The following ENPP2 variants were observed in gnomAD, a reference collection of about 807,000 sequenced individuals.
ENPP2 encodes the protein autotaxin.
Under a neutral mutation model 120.2 loss-of-function variants are expected in ENPP2, and 51 were observed. The ratio of observed to expected loss-of-function variants is 0.42; its 90% CI spans 0.34 to 0.54. The LOEUF (loss-of-function observed/expected upper bound fraction) is 0.54. ENPP2 is among the 20% of genes least tolerant of loss of function. ENPP2 has a pLI of 0.04. For missense variants in ENPP2, 920 were observed against 1,066.5 expected, an observed-to-expected ratio of 0.86 and a Z score of 1.91; for synonymous variants, 365 against 366.4, an observed-to-expected ratio of 1.00 and a Z score of 0.04.
intron 8 of ENPP2, among the ~76,000 whole-genome samples, chr8:119,613,623 G>A (rs547749482): frequency 8.0e-4 from 121 of 152,110 alleles, no homozygotes; most frequent in Middle Eastern, 3.4e-3. Context: ...ATTTTAAAAC[G>A]AAGCCTCTGA....
chr8:119,663,326 T>C (rs17804209), intron 1 of ENPP2, among the ~76,000 whole-genome samples: 1 of 152,142 alleles, frequency 6.6e-6, no homozygotes, highest in Non-Finnish European at 1.5e-5. Context: ...ACTTTTAAAA[T>C]ATCGAAAAAT....
intron 8 of ENPP2, among the ~76,000 whole-genome samples, chr8:119,609,881 A>G (rs1814974476): frequency 6.6e-6 from 1 of 152,210 alleles, no homozygotes; most frequent in South Asian, 2.1e-4. Context: ...CTTTTAATAC[A>G]AATTTCTCAA....
Position 119,601,407 on chromosome 8 carries a change from C to G in ENPP2, c.889G>C (p.Asp297His). 1 of 1,600,998 alleles carries G rather than the reference C, an allele frequency of 6.2e-7. No individual in the cohort carries two copies. Among genetic ancestry groups the G allele is most frequent in the Non-Finnish European group, 8.6e-7 (1 of 1,168,142 alleles). ...LTILQWLTLP[D>H]HERPSVYAFY... The stretch of plus-strand genomic sequence containing the variant: ...GAGAGAAATAAATACCTCTCATGAT[C>G]TGGCAGGGTGAGCCACTGCAATATG... The change falls in exon 10 of 25, where the codon GAT becomes CAT. Residue 297 changes from aspartate (D) to histidine (H), a missense_variant. By Grantham distance (81) the Asp-to-His change is moderately conservative. Coordinates refer to ENST00000075322, the MANE Select transcript of ENPP2 (RefSeq NM_001040092.3).
At chr8:119,655,286 A>G (rs1405716880) in intron 1 of ENPP2, among the ~76,000 whole-genome samples, 3 of 152,204 alleles carry the variant, frequency 2.0e-5, no homozygotes, top group Non-Finnish European at 2.9e-5. Context: ...ATCCTTTGTA[A>G]ACAGAGAGTC....
chr8:119,566,358 C>T (rs1443983733), intron 22 of ENPP2, among the ~76,000 whole-genome samples: 2 of 152,294 alleles, frequency 1.3e-5, no homozygotes, highest in African/African-American at 2.4e-5. Flanking sequence ...TGGCTGTTAA[C>T]CCCTCTTCCC....
At chr8:119,569,022 TC>T (rs1814729124) in intron 21 of ENPP2, among the ~76,000 whole-genome samples, 2 of 152,182 alleles carry the variant, frequency 1.3e-5, no homozygotes, top group South Asian at 2.1e-4. Flanking sequence ...CACAGAAGAT[TC>T]CCTTGCACAT....
At chr8:119,577,814 A>G (rs1180035840) in intron 19 of ENPP2, among the ~76,000 whole-genome samples, 5 of 152,198 alleles carry the variant, frequency 3.3e-5, no homozygotes, top group African/African-American at 2.4e-5. Flanking sequence ...TGCTTGCTGA[A>G]TGTATCCATG....
intron 9 of ENPP2, among the ~76,000 whole-genome samples, chr8:119,604,906 T>C (rs1447286062): frequency 6.6e-6 from 1 of 152,108 alleles, no homozygotes; most frequent in African/African-American, 2.4e-5. Context: ...CCTGAGTAGC[T>C]GGGATTACAG....
At chr8:119,639,704 T>A (rs983644199), upstream of ENPP2, among the ~76,000 whole-genome samples, 3 of 152,180 alleles carry the variant, frequency 2.0e-5, no homozygotes, top group African/African-American at 7.2e-5. Flanking sequence ...GAAATCTCAA[T>A]GGCAGCAAGA....
At chr8:119,619,377 G>T in intron 4 of ENPP2, 73 bp from the exon 5 acceptor site, 1 of 1,028,732 alleles carries the variant, frequency 9.7e-7, no homozygotes, top group Non-Finnish European at 1.5e-6. Context: ...CACAATTCCA[G>T]GATCTGTGTC....
In ENPP2 at chr8:119,632,421, C is replaced by T. The variant is rs185971316; in HGVS notation, c.137-5701G>A. 1.5e-3 allele frequency among the ~76,000 whole-genome samples: 228 copies of T among 152,222 alleles called. 3 individuals are homozygous for T. The highest frequency in any genetic ancestry group is 5.3e-3 in the African/African-American group (219 of 41,550). On this transcript the variant is annotated intron_variant, in intron 2 of 24. Transcript: ENST00000075322. ...CTTTATGAGATTCAAATTCTATTGC[C>T]GCCTTTTAAAATACATATTCAAATG...
chr8:119,668,473 A>T (rs1420777720), intron 1 of ENPP2, among the ~76,000 whole-genome samples: 1 of 125,440 alleles, frequency 8.0e-6, no homozygotes, highest in African/African-American at 3.1e-5. Context: ...TCTGTTGCCC[A>T]GGCTGGAGTG....
chr8:119,662,976 G>A (rs1817964716), intron 1 of ENPP2, among the ~76,000 whole-genome samples: 1 of 151,944 alleles, frequency 6.6e-6, no homozygotes, highest in Non-Finnish European at 1.5e-5. Flanking sequence ...AATTGGCCAG[G>A]TGTGATGGCA....
At position 119,662,340 on chromosome 8, in the gene ENPP2, A is replaced by G. The variant is rs148800682; in HGVS notation, c.21+10912T>C. 4.9e-3 allele frequency among the ~76,000 whole-genome samples: 740 copies of G among 152,320 alleles called. 5 individuals carry two copies. Among genetic ancestry groups the G allele is most frequent in the African/African-American group, 0.017 (691 of 41,562 alleles). On this transcript the variant is annotated intron_variant, in intron 1 of 25. Transcript: ENST00000427067. ...TGTCAATTAAATAAATAAACAATAAAGTAAATTGCATAGATATATAAATAA... is the reference window on the plus strand; with the variant it reads ...TGTCAATTAAATAAATAAACAATAAGGTAAATTGCATAGATATATAAATAA...
At chr8:119,594,835 T>C (rs1251982094) in intron 11 of ENPP2, among the ~76,000 whole-genome samples, 1 of 152,258 alleles carries the variant, frequency 6.6e-6, no homozygotes, top group Non-Finnish European at 1.5e-5. Flanking sequence ...AGGATGTGAA[T>C]ATCATTTTTA....
intron 21 of ENPP2, 48 bp from the exon 22 acceptor site, chr8:119,568,300 A>T: frequency 1.1e-6 from 1 of 946,716 alleles, no homozygotes; most frequent in Non-Finnish European, 1.6e-6. Flanking sequence ...CAAAATCTAT[A>T]TCAGTTAAAA....
intron 24 of ENPP2, among the ~76,000 whole-genome samples, chr8:119,559,563 T>C (rs932581150): frequency 6.6e-6 from 1 of 152,236 alleles, no homozygotes; most frequent in Non-Finnish European, 1.5e-5. Context: ...ACTAGCTATG[T>C]GGCATGTGAA....
At position 119,559,081 on chromosome 8, in the gene ENPP2, C is replaced by A. The variant is rs145773838; in HGVS notation, c.2422-1390G>T. 5.6e-3 allele frequency among the ~76,000 whole-genome samples: 847 copies of A among 152,270 alleles called. 5 individuals carry two copies. The highest frequency in any genetic ancestry group is 9.6e-3 in the Non-Finnish European group (656 of 68,010). The stretch of plus-strand genomic sequence containing the variant: ...CAGGCTGGGGAGGTAAGAATTTTAA[C>A]CTTCATGTCCCACCCTCCTAACCCA... On this transcript the variant is annotated intron_variant, in intron 24 of 24. Transcript: ENST00000075322.
intron 11 of ENPP2, among the ~76,000 whole-genome samples, chr8:119,599,461 T>C (rs954066838): frequency 6.6e-6 from 1 of 152,218 alleles, no homozygotes; most frequent in African/African-American, 2.4e-5. Flanking sequence ...TATGTTTACC[T>C]GTATTTCTAA....
Sources: gnomAD v4.1 joint callset for allele counts (sites outside exome capture counted in the v4.1 genomes callset) on GRCh38, gnomAD v4.1.1 for gene constraint, MANE v1.5 for transcripts, NCBI Gene and HGNC (gene_info 2026-07-23, HGNC 2026-07-21) for gene names.